Variants in PIGG observed in about 807,000 individuals in gnomAD.
PIGG encodes phosphatidylinositol glycan anchor biosynthesis class G (EMM blood group), also known as GPI ethanolamine phosphate transferase 2, catalytic subunit.
Under a neutral mutation model 83.2 loss-of-function variants are expected in PIGG, and 70 were observed. The observed-to-expected ratio is 0.84, with a 90% CI of 0.69 to 1.03. The LOEUF is 1.03. PIGG is among the 50% of genes least tolerant of loss of function. PIGG has a pLI of 0.00. For synonymous variants in PIGG, 532 were observed against 519.5 expected (o/e 1.02, Z -0.33); for missense variants, 1,257 against 1,233.6 (o/e 1.02, Z -0.28).
In PIGG at chr4:534,495, A is replaced by G. The variant is rs549460347; in HGVS notation, c.2735+514A>G. Among the ~76,000 whole-genome samples the G allele has an allele frequency of 1.1e-4, 17 of 152,250 alleles. No individual in the cohort carries two copies. The South Asian group carries it at 3.5e-3, about 32-fold the overall frequency. ...GTAGCTAGGGGCATGTCCCTTCCAC[A>G]CATAAGCTGATTTGGGTTGGAAAAA... On this transcript the variant is annotated intron_variant, in intron 12 of 12. Transcript: ENST00000453061.
chr4:519,420 A>G (rs1275788552), intron 6 of PIGG, among the ~76,000 whole-genome samples: 1 of 152,164 alleles, frequency 6.6e-6, no homozygotes, highest in Non-Finnish European at 1.5e-5. Flanking sequence ...TGGGGTGTGG[A>G]CACAGGCGTC....
intron 9 of PIGG, chr4:525,255 T>C (rs1393495140): frequency 2.7e-5 from 27 of 985,302 alleles, no homozygotes; most frequent in Admixed American, 6.1e-5. Flanking sequence ...TAGCAAATCA[T>C]TTCAAGCAAG....
chr4:532,699 T>G (rs1006533507), intron 11 of PIGG: 3 of 152,402 alleles, frequency 2.0e-5, no homozygotes, highest in Admixed American at 2.0e-4. Flanking sequence ...GGAGCCAAGC[T>G]GGTGAGCACC....
At chr4:531,093 G>A (rs11946204) in intron 11 of PIGG, 42,051 of 235,744 alleles carry the variant, frequency 0.18, 4,455 homozygotes, top group African/African-American at 0.33. Context: ...CCCTGGTGTC[G>A]GGGCTGTCCA....
rs1553874098 is a variant in PIGG, at chr4:499,428, C to G, written c.93C>G (p.Pro31=). 6 of 1,607,414 alleles carry G rather than the reference C, an allele frequency of 3.7e-6. No homozygotes were observed. The African/African-American group carries it at 5.3e-5, about 14-fold the overall frequency. ...TCCTTCGGGGATTCTTCCCGGCTCC[C>G]GTTCGTTCCTCTGCCAGAGCGGAAC... ...AVFLRGFFPA[P]VRSSARAEHG... is the part of the protein sequence containing the mutation. The change falls in exon 1 of 13, where the codon CCC becomes CCG. Residue 31 remains proline (P), a synonymous_variant. Transcript: ENST00000453061.
rs782321161 is a variant in PIGG, at chr4:507,608, C to T, written c.759+15C>T. On this transcript the variant is annotated intron_variant, in intron 4 of 12. Transcript: ENST00000453061. ...TGCAGTCGAAGGTGAGGCTCGCCGTCGCTCACTGTCTGCTGATGTGGTTTC... is the reference window on the plus strand; with the variant it reads ...TGCAGTCGAAGGTGAGGCTCGCCGTTGCTCACTGTCTGCTGATGTGGTTTC... 8.1e-6 allele frequency: 13 copies of T among 1,599,470 alleles called. No individual in the cohort carries two copies. The Admixed American group carries it at 1.0e-4, about 13-fold the overall frequency.
At position 516,136 on chromosome 4, in the gene PIGG, A is replaced by G. The variant is rs771388894; in HGVS notation, c.1065A>G (p.Thr355=). The change falls in exon 6 of 13, where the codon ACA becomes ACG. Residue 355 remains threonine (T), a synonymous_variant. Coordinates refer to ENST00000453061, the MANE Select transcript of PIGG (RefSeq NM_001127178.3). ...REQLRFLHLN[T]VQLSKLLQEN... Reference sequence around the variant, plus strand: ...AGTTGAGATTTTTACATTTGAATACAGTGCAGCTTAGTAAACTGTTGCAAG... The same window carrying G: ...AGTTGAGATTTTTACATTTGAATACGGTGCAGCTTAGTAAACTGTTGCAAG... 4 of 1,614,000 alleles carry G rather than the reference A, an allele frequency of 2.5e-6. No individual in the cohort carries two copies. The highest frequency in any genetic ancestry group is 4.5e-5 in the East Asian group (2 of 44,898).
intron 5 of PIGG, among the ~76,000 whole-genome samples, chr4:512,843 T>G (rs1368801797): frequency 2.6e-5 from 4 of 152,112 alleles, no homozygotes; most frequent in Non-Finnish European, 5.9e-5. Context: ...TAATAATTTT[T>G]ATCTCTTTAT....
chr4:530,086 G>A, intron 10 of PIGG, among the ~76,000 whole-genome samples: 1 of 152,194 alleles, frequency 6.6e-6, no homozygotes, highest in African/African-American at 2.4e-5. Context: ...AGTGCGTTGG[G>A]TTTTTTTTAA....
At chr4:527,534 G>T (rs1206243995) in intron 10 of PIGG, 4 of 1,115,396 alleles carry the variant, frequency 3.6e-6, no homozygotes, top group East Asian at 1.1e-4. Context: ...TGTGTGATGG[G>T]ACAGACAGAT....
At chr4:526,589 GC>G (rs1727680211) in intron 9 of PIGG, among the ~76,000 whole-genome samples, 1 of 152,238 alleles carries the variant, frequency 6.6e-6, no homozygotes, top group Non-Finnish European at 1.5e-5. Flanking sequence ...TAGGTGCAGG[GC>G]TGACCCCGAG....
intron 2 of PIGG, among the ~76,000 whole-genome samples, chr4:504,062 C>G (rs1577008082): frequency 6.6e-6 from 1 of 152,296 alleles, no homozygotes; most frequent in East Asian, 1.9e-4. Context: ...CCCACCTCAG[C>G]TCAATTCTGG....
chr4:537,551 C>T (rs1421703157), intron 12 of PIGG, among the ~76,000 whole-genome samples: 3 of 152,142 alleles, frequency 2.0e-5, no homozygotes, highest in East Asian at 1.9e-4. Context: ...CCTTGGGGTC[C>T]ACCTCCCTGT....
chr4:526,187 T>C (rs1727548434), intron 9 of PIGG, among the ~76,000 whole-genome samples: 1 of 152,250 alleles, frequency 6.6e-6, no homozygotes, highest in African/African-American at 2.4e-5. Context: ...ATTTTATTAT[T>C]ATAACAATCC....
At chr4:531,174 C>T (rs1315149856) in intron 11 of PIGG, 4 of 175,104 alleles carry the variant, frequency 2.3e-5, no homozygotes, top group South Asian at 2.6e-4. Flanking sequence ...GGCTTCTGTC[C>T]GGTGTTTAAA....
intron 6 of PIGG, among the ~76,000 whole-genome samples, chr4:519,722 T>A (rs1725160420): frequency 6.7e-6 from 1 of 149,252 alleles, no homozygotes; most frequent in Admixed American, 6.7e-5. Flanking sequence ...GGGTTCATGC[T>A]TAGGGACTTG....
At chr4:517,782 A>G (rs1228021919) in intron 6 of PIGG, among the ~76,000 whole-genome samples, 1 of 151,938 alleles carries the variant, frequency 6.6e-6, no homozygotes, top group Non-Finnish European at 1.5e-5. Flanking sequence ...GCCAGGAGAC[A>G]GCTACAGGAA....
rs1380294912 is a variant in PIGG at position 515,094 on chromosome 4, C to T, written c.902-879C>T. Among the ~76,000 whole-genome samples, 1 of 152,214 alleles carries T rather than the reference C, an allele frequency of 6.6e-6. No individual in the cohort carries two copies. Among genetic ancestry groups the T allele is most frequent in the African/African-American group, 2.4e-5 (1 of 41,458 alleles). ...TTAAAAACTCGCTACAAAAAACTTACCACAATCAAAGTAAAACCTCCCCAG... is the reference window on the plus strand; with the variant it reads ...TTAAAAACTCGCTACAAAAAACTTATCACAATCAAAGTAAAACCTCCCCAG... On this transcript the variant is annotated intron_variant, in intron 5 of 12. Transcript: ENST00000453061. This position sits in a 1 kb window ranked among gnomAD's most constrained non-coding sequence, Gnocchi z 4.2.
chr4:530,558 G>T lies in PIGG; in HGVS notation c.2384G>T (p.Trp795Leu), dbSNP rs1728795536. 2 of 1,613,506 alleles carry T rather than the reference G, an allele frequency of 1.2e-6. No individual in the cohort carries two copies. The highest frequency in any genetic ancestry group is 1.3e-5 in the African/African-American group (1 of 74,868). The change falls in exon 11 of 13, where the codon TGG (tryptophan) becomes TTG (leucine). Residue 795 changes from tryptophan to leucine, a missense_variant. Physicochemically the swap from Trp to Leu is moderately conservative, Grantham distance 61. Coordinates refer to ENST00000453061, the MANE Select transcript of PIGG (RefSeq NM_001127178.3). ...TTCAAACTCAAGACTGTAGGTTTAT[G>T]GGAGATATATAGTGGATTAGTTCTT... ...ADFKLKTVGLWEIYSGLVLLA... is the reference protein window; with the variant it reads ...ADFKLKTVGLLEIYSGLVLLA...
Sources: gnomAD v4.1 joint callset for allele counts (sites outside exome capture counted in the v4.1 genomes callset) on GRCh38, gnomAD v4.1.1 for gene constraint, Gnocchi (gnomAD v3.1) non-coding constraint, MANE v1.5 for transcripts, NCBI Gene and HGNC (gene_info 2026-07-23, HGNC 2026-07-21) for gene names.